Variants in CALN1 observed in about 807,000 individuals in gnomAD.
CALN1 encodes the protein calneuron 1.
A neutral mutation model predicts 30.6 loss-of-function variants in CALN1; 17 were observed. The observed-to-expected ratio is 0.56, with a 90% CI of 0.38 to 0.83. The LOEUF (loss-of-function observed/expected upper bound fraction) is 0.83. CALN1 is among the 40% of genes least tolerant of loss of function. CALN1 has a pLI of 0.00. For synonymous variants in CALN1, 156 were observed against 131.4 expected, an observed-to-expected ratio of 1.19 and a Z score of -1.28; for missense variants, 291 against 354.9, an observed-to-expected ratio of 0.82 and a Z score of 1.45.
intron 5 of CALN1, among the ~76,000 whole-genome samples, chr7:71,957,851 G>A (rs1436718985): frequency 6.6e-6 from 1 of 151,978 alleles, no homozygotes; most frequent in South Asian, 2.1e-4. Flanking sequence ...GATCACCTGG[G>A]GTCAGGAGTT....
At chr7:72,280,897 C>A (rs563939270) in intron 2 of CALN1, among the ~76,000 whole-genome samples, 179 of 152,252 alleles carry the variant, frequency 1.2e-3, no homozygotes, top group African/African-American at 4.2e-3. Context: ...AATCCCAGCA[C>A]TTTGGGAGAC....
At chr7:72,411,664 G>T (rs1585696669) in intron 1 of CALN1, among the ~76,000 whole-genome samples, 1 of 152,204 alleles carries the variant, frequency 6.6e-6, no homozygotes, top group Non-Finnish European at 1.5e-5. Context: ...AGGCCTAAAA[G>T]TGGATAAGTT....
In CALN1 at chr7:72,346,417, T is replaced by C. The variant is rs570631067; in HGVS notation, c.119+56834A>G. Among the ~76,000 whole-genome samples, 6 of 152,348 alleles carry C rather than the reference T, an allele frequency of 3.9e-5. No individual in the cohort carries two copies. The East Asian group carries it at 9.6e-4, about 24-fold the overall frequency. The stretch of plus-strand genomic sequence containing the variant: ...AAAACACCTAACTGAAGGATGAAGA[T>C]GTAATACTCTTACTTGTTTCTCCAA... On this transcript the variant is annotated intron_variant, in intron 2 of 6. Coordinates refer to ENST00000395275, the MANE Select transcript of CALN1 (RefSeq NM_031468.4).
rs1340297620 is a variant in CALN1, at chr7:71,907,054, G to A, written c.502-96562C>T. On this transcript the variant is annotated intron_variant, in intron 5 of 6. Coordinates refer to ENST00000395275, the MANE Select transcript of CALN1 (RefSeq NM_031468.4). ...TGCAGCTTGCTTGCATCCACCCTGGGCCAGGTAAAGCTGACTGAACATGGG... is the reference window on the plus strand; with the variant it reads ...TGCAGCTTGCTTGCATCCACCCTGGACCAGGTAAAGCTGACTGAACATGGG... Among the ~76,000 whole-genome samples the A allele has an allele frequency of 4.6e-5, 7 of 152,120 alleles. No individual in the cohort carries two copies. The East Asian group carries it at 1.4e-3, about 29-fold the overall frequency.
In CALN1 at chr7:72,371,162, G is replaced by A. The variant is rs576358717; in HGVS notation, c.119+32089C>T. On this transcript the variant is annotated intron_variant, in intron 2 of 6. Transcript: ENST00000395275. Reference sequence around the variant, plus strand: ...ATTTTTAAAAATTTGCCTAACCTAGGGTTGCAAAGGTTTTCTTCTGTATTT... The same window carrying A: ...ATTTTTAAAAATTTGCCTAACCTAGAGTTGCAAAGGTTTTCTTCTGTATTT... 7.9e-5 allele frequency among the ~76,000 whole-genome samples: 12 copies of A among 151,948 alleles called. No individual in the cohort carries two copies. The East Asian group carries it at 2.1e-3, about 27-fold the overall frequency.
At chr7:72,086,291 G>GAA (rs1301836053) in intron 4 of CALN1, among the ~76,000 whole-genome samples, 1 of 152,020 alleles carries the variant, frequency 6.6e-6, no homozygotes, top group African/African-American at 2.4e-5. Context: ...TCAAATACTC[G>GAA]AAAATGGTTA....
chr7:71,881,072 G>C (rs972057343), intron 5 of CALN1, among the ~76,000 whole-genome samples: 1 of 152,206 alleles, frequency 6.6e-6, no homozygotes, highest in Non-Finnish European at 1.5e-5. Flanking sequence ...GACTTGACTT[G>C]CTGAGTCTTC....
intron 5 of CALN1, among the ~76,000 whole-genome samples, chr7:71,900,153 T>C (rs1793770013): frequency 6.6e-6 from 1 of 152,200 alleles, no homozygotes; most frequent in South Asian, 2.1e-4. Context: ...ATTTTTAACA[T>C]CCTGAATATT....
chr7:72,270,939 A>G (rs1447239293), intron 3 of CALN1, among the ~76,000 whole-genome samples: 1 of 152,204 alleles, frequency 6.6e-6, no homozygotes, highest in Admixed American at 6.5e-5. Context: ...GGAAGTGGAA[A>G]CTTGACCCAA....
At chr7:72,380,173 G>A (rs544180346) in intron 2 of CALN1, among the ~76,000 whole-genome samples, 2 of 152,236 alleles carry the variant, frequency 1.3e-5, no homozygotes, top group Middle Eastern at 3.4e-3. Flanking sequence ...ATTCCACTTA[G>A]GTTCCACAGC....
intron 5 of CALN1, among the ~76,000 whole-genome samples, chr7:71,859,057 T>C (rs1041043707): frequency 6.6e-6 from 1 of 152,162 alleles, no homozygotes; most frequent in South Asian, 2.1e-4. Context: ...TTTTCTTTTT[T>C]TGTATGTTTG....
intron 5 of CALN1, among the ~76,000 whole-genome samples, chr7:71,997,483 A>AC (rs1799313436): frequency 6.6e-6 from 1 of 152,224 alleles, no homozygotes; most frequent in Admixed American, 6.5e-5. Context: ...AGGAGAGGAG[A>AC]CACAAAATGG....
intron 5 of CALN1, among the ~76,000 whole-genome samples, chr7:71,832,134 C>T (rs1486316201): frequency 6.6e-6 from 1 of 151,996 alleles, no homozygotes; most frequent in African/African-American, 2.4e-5. Context: ...GGCTAAAACA[C>T]CCCTGCTTTT....
At chr7:72,148,862 C>G (rs1786985264) in intron 3 of CALN1, among the ~76,000 whole-genome samples, 1 of 150,720 alleles carries the variant, frequency 6.6e-6, no homozygotes, top group Non-Finnish European at 1.5e-5. Context: ...CAAGATCATA[C>G]CACTGCACTC....
Position 72,106,056 on chromosome 7 carries a change from C to G in CALN1, c.388+95G>C. 5 of 1,460,720 alleles carry G rather than the reference C, an allele frequency of 3.4e-6. No homozygotes were observed. The South Asian group carries it at 5.3e-5, about 16-fold the overall frequency. 90.5% of individuals were successfully genotyped at this position (1,460,720 alleles called of 1,614,324 possible). A position where few individuals can be genotyped will look rare whatever the true frequency, so the allele number is the denominator to read the frequency against. On this transcript the variant is annotated intron_variant, in intron 4 of 6. Coordinates refer to ENST00000395275, the MANE Select transcript of CALN1 (RefSeq NM_031468.4). The stretch of plus-strand genomic sequence containing the variant: ...TGCTTCTCAAATGTAAACCAAGTCT[C>G]TGGATTTAAAAGTGCAAGGCCCTGC...
intron 3 of CALN1, among the ~76,000 whole-genome samples, chr7:72,116,855 G>A (rs1203874292): frequency 6.6e-6 from 1 of 152,200 alleles, no homozygotes; most frequent in East Asian, 1.9e-4. Flanking sequence ...ACAGTCTCAA[G>A]AGGTCCTGAG....
At chr7:72,338,686 T>C (rs1802240574) in intron 2 of CALN1, among the ~76,000 whole-genome samples, 1 of 152,120 alleles carries the variant, frequency 6.6e-6, no homozygotes, top group Admixed American at 6.6e-5. Flanking sequence ...TATAGGTACA[T>C]GGTAGGTGTA....
chr7:71,973,224 GGAGTGCAGTGGCACAATCTC>G (rs1329072807), intron 5 of CALN1, among the ~76,000 whole-genome samples: 1 of 151,748 alleles, frequency 6.6e-6, no homozygotes, highest in Non-Finnish European at 1.5e-5. Context: ...TGCCCTGGCT[GGAGTGCAGTGGCACAATCTC>G]GGCTCACTGC....
chr7:72,170,985 C>G (rs1788912665), intron 3 of CALN1, among the ~76,000 whole-genome samples: 1 of 152,048 alleles, frequency 6.6e-6, no homozygotes, highest in African/African-American at 2.4e-5. Context: ...TGGCAAGACT[C>G]TGTGTTACAA....
Sources: allele counts gnomAD v4.1 joint callset (sites outside exome capture counted in the v4.1 genomes callset), GRCh38; gene constraint gnomAD v4.1.1; transcripts MANE v1.5; gene names NCBI Gene and HGNC (gene_info 2026-07-23, HGNC 2026-07-21).